The following IPO5 variants were observed in gnomAD, a reference collection of about 807,000 sequenced individuals.
IPO5 encodes the protein importin 5, also known as importin-5.
A neutral mutation model predicts 143.3 loss-of-function variants in IPO5; 18 were observed. The observed-to-expected ratio is 0.13, with a 90% CI of 0.09 to 0.19. The LOEUF (loss-of-function observed/expected upper bound fraction) is 0.19. Among genes scored for constraint, IPO5 ranks in the 10% least tolerant of loss-of-function variants. The pLI is 1.00. For synonymous variants in IPO5, 477 were observed against 465.7 expected (o/e 1.02, Z -0.31); for missense variants, 1,013 against 1,336.9 (o/e 0.76, Z 3.78).
In IPO5 at chr13:98,018,480, T is replaced by G; in HGVS notation, c.2617-5T>G. 6.2e-7 allele frequency: 1 copy of G among 1,604,618 alleles called. No individual in the cohort carries two copies. Among genetic ancestry groups the G allele is most frequent in the Non-Finnish European group, 8.5e-7 (1 of 1,172,294 alleles). ...TTGAAGCTTAAAAGAGAATTTCTTT[T>G]GTAGTGTCCACATAGACCATGGCCA... On this transcript the variant is annotated splice_polypyrimidine_tract_variant and splice_region_variant and intron_variant, in intron 25 of 28. Coordinates refer to ENST00000651721, the MANE Select transcript of IPO5 (RefSeq NM_002271.6).
At position 98,022,707 on chromosome 13, in the gene IPO5, T is replaced by G. The variant is rs1461585734; in HGVS notation, c.*885T>G. On this transcript the variant is annotated 3_prime_UTR_variant, in exon 29 of 29. Transcript: ENST00000651721. ...ATTCCATTCACAATTGGTGTTCTTT[T>G]TAAGGTTTGCAAATTTCAGCCAATT... The G allele has an allele frequency of 6.6e-6, 1 of 152,234 alleles. No individual in the cohort carries two copies. Among genetic ancestry groups the G allele is most frequent in the Non-Finnish European group, 1.5e-5 (1 of 68,038 alleles). The allele number at this position is 152,234 out of a possible 1,614,324, so 9.4% of individuals were successfully genotyped here.
intron 4 of IPO5, 88 bp from the exon 5 acceptor site, chr13:97,982,415 G>A: frequency 1.2e-6 from 1 of 815,928 alleles, no homozygotes; most frequent in Admixed American, 2.2e-5. Context: ...AATTTCTCAT[G>A]CATCCTTCCC....
intron 3 of IPO5, among the ~76,000 whole-genome samples, chr13:97,973,000 T>A (rs1222385800): frequency 1.3e-5 from 2 of 151,332 alleles, no homozygotes; most frequent in East Asian, 3.9e-4. Context: ...TCCTGCAGGC[T>A]GTTTTTATGG....
At chr13:97,968,058 A>C (rs140836978) in intron 2 of IPO5, among the ~76,000 whole-genome samples, 102 of 152,202 alleles carry the variant, frequency 6.7e-4, no homozygotes, top group Non-Finnish European at 1.2e-3. Flanking sequence ...CCTGGGCTCA[A>C]AGGATCCTCC....
At position 97,988,252 on chromosome 13, in the gene IPO5, C is replaced by G. The variant is rs76223645; in HGVS notation, c.365-810C>G. On this transcript the variant is annotated intron_variant, in intron 6 of 28. Transcript: ENST00000651721. The stretch of plus-strand genomic sequence containing the variant: ...ATAGTAAACATATTAATAACATCCT[C>G]TGGCACTATTTGAACCAAACTGCAA... Among the ~76,000 whole-genome samples the G allele has an allele frequency of 8.8e-3, 1,340 of 152,282 alleles. 88 individuals are homozygous for G. The East Asian group carries it at 0.18, about 20-fold the overall frequency.
In IPO5 at chr13:98,018,415, A is replaced by G. The variant is rs999049461; in HGVS notation, c.2617-70A>G. On this transcript the variant is annotated intron_variant, in intron 25 of 28. Transcript: ENST00000651721. Reference sequence around the variant, plus strand: ...GAATATCAATGTAAGCAGATAGTCTATAGTGAATATTTCTTTACATTCTTT... The same window carrying G: ...GAATATCAATGTAAGCAGATAGTCTGTAGTGAATATTTCTTTACATTCTTT... 36 of 1,118,522 alleles carry G rather than the reference A, an allele frequency of 3.2e-5. No homozygotes were observed. The Admixed American group carries it at 3.7e-4, about 11-fold the overall frequency. The allele number at this position is 1,118,522 out of a possible 1,614,324, so 69.3% of individuals were successfully genotyped here.
chr13:97,978,261 A>G (rs1199972228), intron 4 of IPO5, among the ~76,000 whole-genome samples: 1 of 152,136 alleles, frequency 6.6e-6, no homozygotes. Flanking sequence ...TGGGCTTATA[A>G]TACTATTTAC....
At chr13:97,967,576 T>C (rs1885449123) in intron 2 of IPO5, among the ~76,000 whole-genome samples, 2 of 152,168 alleles carry the variant, frequency 1.3e-5, no homozygotes, top group Admixed American at 1.3e-4. Flanking sequence ...ATCACTGCTA[T>C]CCCATAAATT....
chr13:98,018,784 C>G lies in IPO5; in HGVS notation c.2836+80C>G, dbSNP rs551668202. 4.0e-6 allele frequency: 4 copies of G among 1,010,646 alleles called. No individual in the cohort carries two copies. In the African/African-American group the frequency reaches 4.8e-5, roughly 12 times the overall value. 62.6% of individuals were successfully genotyped at this position (1,010,646 alleles called of 1,614,324 possible). A position where few individuals can be genotyped will look rare whatever the true frequency, so the allele number is the denominator to read the frequency against. Reference sequence around the variant, plus strand: ...TACTTTACTCTCTTTACCACACTCCCAAACATTATTTGCCTATTTCTGCTG... The same window carrying G: ...TACTTTACTCTCTTTACCACACTCCGAAACATTATTTGCCTATTTCTGCTG... On this transcript the variant is annotated intron_variant, in intron 26 of 28. Transcript: ENST00000651721.
intron 5 of IPO5, among the ~76,000 whole-genome samples, chr13:97,983,019 C>T (rs535276297): frequency 1.3e-4 from 20 of 152,234 alleles, no homozygotes; most frequent in South Asian, 1.2e-3. Context: ...TACAGGCGTG[C>T]GCCACCACAC....
chr13:98,001,408 C>T (rs187191544), intron 13 of IPO5, among the ~76,000 whole-genome samples: 2 of 152,306 alleles, frequency 1.3e-5, no homozygotes, highest in Admixed American at 6.5e-5. Context: ...TCACCGCAGC[C>T]TCCACCCACT....
At chr13:97,970,060 G>C (rs931155387) in intron 3 of IPO5, among the ~76,000 whole-genome samples, 2 of 152,120 alleles carry the variant, frequency 1.3e-5, no homozygotes, top group South Asian at 4.2e-4. Flanking sequence ...TAGCTAGTTG[G>C]CTATTTTATT....
intron 12 of IPO5, among the ~76,000 whole-genome samples, chr13:97,999,339 A>G (rs1888566577): frequency 2.0e-5 from 3 of 152,148 alleles, no homozygotes; most frequent in South Asian, 2.1e-4. Context: ...CTTTCACTGG[A>G]AATCACCTGA....
In IPO5 at chr13:97,990,515, A is replaced by G; in HGVS notation, c.647A>G (p.Asp216Gly). ...GTTGCTCTGTTCAAACATTTTGCAGACTTGCTACCGGGATTCCTACAGGTA... is the reference window on the plus strand; with the variant it reads ...GTTGCTCTGTTCAAACATTTTGCAGGCTTGCTACCGGGATTCCTACAGGTA... ...HNVALFKHFA[D>G]LLPGFLQAVN... The change falls in exon 9 of 29, where the codon GAC (aspartate) becomes GGC (glycine). Residue 216 changes from aspartate to glycine, a missense_variant. This residue lies in a region of IPO5 where 328 missense variants were observed against 342.0 expected (regional missense o/e 0.96). Coordinates refer to ENST00000651721, the MANE Select transcript of IPO5 (RefSeq NM_002271.6). 1 of 1,595,438 alleles carries G rather than the reference A, an allele frequency of 6.3e-7. No homozygotes were observed. Among genetic ancestry groups the G allele is most frequent in the Non-Finnish European group, 8.5e-7 (1 of 1,173,042 alleles).
chr13:97,958,506 C>G (rs961695856), intron 2 of IPO5, among the ~76,000 whole-genome samples: 1 of 152,086 alleles, frequency 6.6e-6, no homozygotes, highest in African/African-American at 2.4e-5. Flanking sequence ...GCTCAGGACC[C>G]TCTATCTCAT....
chr13:97,987,222 TC>T (rs1887436570), intron 6 of IPO5: 1 of 156,690 alleles, frequency 6.4e-6, no homozygotes, highest in African/African-American at 2.4e-5. Flanking sequence ...TCTTCATACT[TC>T]CTGCTCGTAG....
At chr13:97,986,470 C>T (rs1294520197) in intron 6 of IPO5, among the ~76,000 whole-genome samples, 2 of 152,036 alleles carry the variant, frequency 1.3e-5, no homozygotes, top group Non-Finnish European at 2.9e-5. Context: ...ATTTTCCTGC[C>T]TCAGCCTACC....
intron 20 of IPO5, 152 bp downstream of exon 20, chr13:98,010,376 A>T (rs1417169425): frequency 4.1e-6 from 3 of 740,136 alleles, no homozygotes; most frequent in Non-Finnish European, 6.4e-6. Context: ...AAGAAATCGT[A>T]TGGATAAACC....
intron 2 of IPO5, among the ~76,000 whole-genome samples, chr13:97,966,175 T>C (rs938414138): frequency 1.3e-5 from 2 of 151,454 alleles, no homozygotes; most frequent in South Asian, 2.1e-4. Flanking sequence ...CAGTAAAATA[T>C]TGAGTAAAAA....
Sources: gnomAD v4.1 joint callset for allele counts (sites outside exome capture counted in the v4.1 genomes callset) on GRCh38, gnomAD v4.1.1 for gene constraint, gnomAD v4.1.1 regional missense constraint, MANE v1.5 for transcripts, NCBI Gene and HGNC (gene_info 2026-07-23, HGNC 2026-07-21) for gene names.